The following CELF2 variants were observed in gnomAD, a reference collection of about 807,000 sequenced individuals.
The protein encoded by CELF2 is CUG triplet repeat RNA-binding protein 2.
Under a neutral mutation model 62.6 loss-of-function variants are expected in CELF2, and 8 were observed. That is an observed-to-expected ratio of 0.13 (90% CI 0.07 to 0.23). The LOEUF is 0.23. Among genes scored for constraint, CELF2 ranks in the 10% least tolerant of loss-of-function variants. CELF2 has a pLI of 1.00. For missense variants in CELF2, 333 were observed against 671.0 expected, an observed-to-expected ratio of 0.50 and a Z score of 5.56; for synonymous variants, 258 against 250.0, an observed-to-expected ratio of 1.03 and a Z score of -0.30.
chr10:10,802,540 A>G (rs1169428134), intron 1 of CELF2, among the ~76,000 whole-genome samples: 2 of 111,274 alleles, frequency 1.8e-5, no homozygotes, highest in Non-Finnish European at 3.6e-5. Context: ...AGATGTTTAT[A>G]GATAAGACTT....
intron 1 of CELF2, among the ~76,000 whole-genome samples, chr10:11,024,559 G>A (rs2058831889): frequency 6.6e-6 from 1 of 152,090 alleles, no homozygotes; most frequent in South Asian, 2.1e-4. Flanking sequence ...TGAGATGGCA[G>A]CATTACACTC....
rs572247730 is a variant in CELF2, at chr10:11,178,739, C to T, written c.271+13057C>T. Among the ~76,000 whole-genome samples the T allele has an allele frequency of 5.9e-5, 9 of 152,324 alleles. No homozygotes were observed. Among genetic ancestry groups the T allele is most frequent in the African/African-American group, 7.2e-5 (3 of 41,580 alleles). ...GAGGGCCTGCCACATGTCTTCCAGA[C>T]GGCTAGAATGCTCAGGAGATAAGAG... On this transcript the variant is annotated intron_variant, in intron 2 of 12. Coordinates refer to ENST00000633077, the MANE Select transcript of CELF2 (RefSeq NM_001326342.2). This position sits in a 1 kb window ranked among gnomAD's most constrained non-coding sequence, Gnocchi z 4.3.
intron 1 of CELF2, among the ~76,000 whole-genome samples, chr10:11,108,246 T>C (rs1025722095): frequency 4.0e-5 from 6 of 150,730 alleles, no homozygotes; most frequent in Admixed American, 4.0e-4. Flanking sequence ...CATTAGGATG[T>C]GTCAACCCTT....
intron 1 of CELF2, among the ~76,000 whole-genome samples, chr10:11,142,609 G>A (rs1008232041): frequency 1.6e-4 from 24 of 150,940 alleles, no homozygotes; most frequent in Admixed American, 1.4e-3. Flanking sequence ...GCGTGAACCC[G>A]GGAGGTAGGG....
At chr10:11,099,526 T>A (rs2050855734) in intron 1 of CELF2, among the ~76,000 whole-genome samples, 1 of 152,172 alleles carries the variant, frequency 6.6e-6, no homozygotes, top group African/African-American at 2.4e-5. Flanking sequence ...TAGAGATGGA[T>A]TAAAAAGGGG....
intron 1 of CELF2, among the ~76,000 whole-genome samples, chr10:10,857,649 GTATATATATATATATATA>G (rs779543257): frequency 6.4e-5 from 6 of 94,258 alleles, no homozygotes; most frequent in East Asian, 3.6e-4. Flanking sequence ...CATATATATA[GTATATATATATATATATA>G]TATATATATA....
At chr10:11,017,718 G>A (rs1374076615), upstream of CELF2, among the ~76,000 whole-genome samples, 2 of 152,046 alleles carry the variant, frequency 1.3e-5, no homozygotes, top group Non-Finnish European at 2.9e-5. The surrounding 1 kb of genome is among the most constrained non-coding windows in gnomAD (Gnocchi z 5.5). Flanking sequence ...TGCCTTCGGG[G>A]GCCCAGGGGA....
rs915589830 is a variant in CELF2 at position 11,315,805 on chromosome 10, C to T, written c.1096+1547C>T. Among the ~76,000 whole-genome samples, 3 of 152,224 alleles carry T rather than the reference C, an allele frequency of 2.0e-5. No individual in the cohort carries two copies. In the South Asian group the frequency reaches 6.2e-4, roughly 31 times the overall value. On this transcript the variant is annotated intron_variant, in intron 10 of 12. Coordinates refer to ENST00000633077, the MANE Select transcript of CELF2 (RefSeq NM_001326342.2). This position sits in a 1 kb window ranked among gnomAD's most constrained non-coding sequence, Gnocchi z 5.8. ...GACCCCCATTTCCGGTACAGCTCCT[C>T]GCTCTGACCTTGTCCTTCACCTAGG...
chr10:10,945,704 T>C (rs1448408045), intron 2 of CELF2, among the ~76,000 whole-genome samples: 1 of 152,142 alleles, frequency 6.6e-6, no homozygotes, highest in Admixed American at 6.5e-5. Flanking sequence ...ATGGTGTCGC[T>C]GACAGTCACT....
chr10:10,691,261 G>A, the CELF2 span, among the ~76,000 whole-genome samples: 4 of 151,400 alleles, frequency 2.6e-5, no homozygotes, highest in African/African-American at 9.7e-5. Flanking sequence ...GCGCTGTTTG[G>A]TTTTTTGTTC....
At chr10:10,746,271 A>T in the CELF2 span, among the ~76,000 whole-genome samples, 66 of 152,252 alleles carry the variant, frequency 4.3e-4, no homozygotes, top group Admixed American at 1.7e-3. Context: ...GATAACAGAC[A>T]ACATAGACAA....
the CELF2 span, among the ~76,000 whole-genome samples, chr10:10,574,872 G>GCTTTTTTTTTT: frequency 6.6e-5 from 7 of 105,980 alleles, 3 homozygotes; most frequent in African/African-American, 6.4e-5. Context: ...ACCATGCCTG[G>GCTTTTTTTTTT]TTTTTTTTTT....
At chr10:11,099,314 A>G (rs2050781344) in intron 1 of CELF2, among the ~76,000 whole-genome samples, 1 of 152,232 alleles carries the variant, frequency 6.6e-6, no homozygotes, top group African/African-American at 2.4e-5. Context: ...CAGAGAGCTT[A>G]TAACATATAC....
At chr10:10,577,070 G>A in the CELF2 span, among the ~76,000 whole-genome samples, 2 of 152,330 alleles carry the variant, frequency 1.3e-5, no homozygotes, top group East Asian at 3.9e-4. Flanking sequence ...CTGACAGGCA[G>A]AATTTGTATC....
intron 1 of CELF2, among the ~76,000 whole-genome samples, chr10:11,056,376 A>G (rs1382432318): frequency 6.6e-6 from 1 of 152,262 alleles, no homozygotes; most frequent in East Asian, 1.9e-4. Context: ...ATAGGTGCCT[A>G]ATAGCTTGCT....
Position 10,957,014 on chromosome 10 carries a change from C to T in CELF2, c.89+37015C>T, listed in dbSNP as rs751709592. Among the ~76,000 whole-genome samples the T allele has an allele frequency of 2.3e-4, 35 of 152,198 alleles. No individual in the cohort carries two copies. The highest frequency in any genetic ancestry group is 3.9e-4 in the Admixed American group (6 of 15,286). Reference sequence around the variant, plus strand: ...TCAGGTCCTCTTAGAATGAGCCTAACGCTGCTTCCTATAACTCCAATGAGT... The same window carrying T: ...TCAGGTCCTCTTAGAATGAGCCTAATGCTGCTTCCTATAACTCCAATGAGT... On this transcript the variant is annotated intron_variant, in intron 2 of 13. Transcript: ENST00000636488. This position sits in a 1 kb window ranked among gnomAD's most constrained non-coding sequence, Gnocchi z 4.1.
the CELF2 span, among the ~76,000 whole-genome samples, chr10:10,481,878 C>T: frequency 6.6e-6 from 1 of 152,136 alleles, no homozygotes; most frequent in African/African-American, 2.4e-5. Flanking sequence ...CTTAGCAGTA[C>T]ATGAAATAAT....
the CELF2 span, among the ~76,000 whole-genome samples, chr10:10,773,283 C>T: frequency 6.6e-6 from 1 of 152,204 alleles, no homozygotes; most frequent in South Asian, 2.1e-4. Flanking sequence ...CATCCCATCA[C>T]TGTAGGCGTT....
At chr10:10,921,117 G>A (rs932862091) in intron 2 of CELF2, among the ~76,000 whole-genome samples, 16 of 151,886 alleles carry the variant, frequency 1.1e-4, no homozygotes, top group African/African-American at 3.6e-4. Context: ...ACCATGCCCG[G>A]CTAATTTTTG....
Sources: gnomAD v4.1 joint callset for allele counts (sites outside exome capture counted in the v4.1 genomes callset) on GRCh38, gnomAD v4.1.1 for gene constraint, Gnocchi (gnomAD v3.1) non-coding constraint, MANE v1.5 for transcripts, NCBI Gene and HGNC (gene_info 2026-07-23, HGNC 2026-07-21) for gene names.